EFCAB13: variants seen among roughly 807,000 people sequenced by gnomAD.
EFCAB13 encodes the protein EF-hand calcium binding domain 13, also known as EF-hand calcium-binding domain-containing protein 13.
Under a neutral mutation model 110.2 loss-of-function variants are expected in EFCAB13, and 91 were observed. The ratio of observed to expected loss-of-function variants is 0.83; its 90% CI spans 0.70 to 0.98. The LOEUF (loss-of-function observed/expected upper bound fraction) is 0.98. Ranked by LOEUF, EFCAB13 falls within the 50% of genes least tolerant of loss-of-function variation. The probability of loss-of-function intolerance (pLI) is 0.00; values close to 1 mark genes in which losing one functional copy is unlikely to be tolerated. For synonymous variants in EFCAB13, 323 were observed against 369.9 expected (o/e 0.87, Z 1.45); for missense variants, 968 against 1,119.4 (o/e 0.86, Z 1.93).
intron 4 of EFCAB13, among the ~76,000 whole-genome samples, chr17:47,329,485 A>T (rs2065307193): frequency 6.6e-6 from 1 of 152,190 alleles, no homozygotes; most frequent in Non-Finnish European, 1.5e-5. Context: ...TGAGATATGT[A>T]CTTTATATCA....
intron 5 of EFCAB13, among the ~76,000 whole-genome samples, chr17:47,337,717 G>A (rs2065359436): frequency 6.6e-6 from 1 of 152,094 alleles, no homozygotes; most frequent in Non-Finnish European, 1.5e-5. Context: ...ACAAAGGAGA[G>A]GTTCAATATT....
At chr17:47,360,886 GT>G (rs937816398) in intron 9 of EFCAB13, among the ~76,000 whole-genome samples, 2 of 151,714 alleles carry the variant, frequency 1.3e-5, no homozygotes, top group African/African-American at 2.4e-5. Context: ...TTTTAAGGAA[GT>G]TTTTTTTGTG....
chr17:47,356,225 G>A (rs2065479768), intron 9 of EFCAB13, among the ~76,000 whole-genome samples: 1 of 151,822 alleles, frequency 6.6e-6, no homozygotes, highest in Admixed American at 6.6e-5. Flanking sequence ...ATCCATTGCT[G>A]CTAAGCTTTT....
At chr17:47,396,683 C>G (rs2065740131) in intron 17 of EFCAB13, among the ~76,000 whole-genome samples, 2 of 152,106 alleles carry the variant, frequency 1.3e-5, no homozygotes, top group Non-Finnish European at 2.9e-5. Context: ...TGTCAGGGGT[C>G]TTTGTCAAAG....
intron 24 of EFCAB13, among the ~76,000 whole-genome samples, chr17:47,438,505 T>TA (rs147608043): frequency 6.6e-6 from 1 of 151,662 alleles, no homozygotes; most frequent in Non-Finnish European, 1.5e-5. Context: ...ATTCTTTTTT[T>TA]TTTTTTTGTC....
chr17:47,398,853 A>G (rs926363630), intron 17 of EFCAB13, among the ~76,000 whole-genome samples: 1 of 134,700 alleles, frequency 7.4e-6, no homozygotes, highest in Non-Finnish European at 1.6e-5. Flanking sequence ...ATCAATAAAA[A>G]TAAATAAATA....
At chr17:47,390,948 C>CTATCT (rs762499981) in intron 14 of EFCAB13, among the ~76,000 whole-genome samples, 1 of 150,400 alleles carries the variant, frequency 6.6e-6, no homozygotes, top group African/African-American at 2.5e-5. Flanking sequence ...ATCTATCTAT[C>CTATCT]ATATATTTTT....
intron 11 of EFCAB13, among the ~76,000 whole-genome samples, chr17:47,370,715 G>GTT (rs370452906): frequency 6.8e-6 from 1 of 147,628 alleles, no homozygotes; most frequent in African/African-American, 2.5e-5. Context: ...TCTTTGCCCA[G>GTT]TTTTTTGTTG....
intron 22 of EFCAB13, among the ~76,000 whole-genome samples, chr17:47,413,442 A>AC (rs1904322672): frequency 6.6e-6 from 1 of 152,182 alleles, no homozygotes; most frequent in Admixed American, 6.5e-5. Flanking sequence ...TTAGGAAGTC[A>AC]AATCATTTGA....
At chr17:47,433,980 ATTGT>A (rs1905165448) in intron 24 of EFCAB13, among the ~76,000 whole-genome samples, 1 of 150,774 alleles carries the variant, frequency 6.6e-6, no homozygotes, top group African/African-American at 2.4e-5. Flanking sequence ...TATTGTGATT[ATTGT>A]TTATTTGTGT....
chr17:47,434,156 C>A (rs1350832596), intron 24 of EFCAB13, among the ~76,000 whole-genome samples: 1 of 151,890 alleles, frequency 6.6e-6, no homozygotes, highest in Non-Finnish European at 1.5e-5. Context: ...ACCCAGAAAA[C>A]CCTCAAGATT....
intron 3 of EFCAB13, among the ~76,000 whole-genome samples, chr17:47,327,612 G>A (rs970334930): frequency 3.9e-5 from 6 of 152,056 alleles, no homozygotes; most frequent in African/African-American, 9.7e-5. Flanking sequence ...ATGCCACCAC[G>A]TCCAACTAAT....
intron 14 of EFCAB13, among the ~76,000 whole-genome samples, chr17:47,386,292 A>G (rs1470997495): frequency 6.6e-6 from 1 of 152,080 alleles, no homozygotes; most frequent in Non-Finnish European, 1.5e-5. Flanking sequence ...TGGGAGTTTT[A>G]TCTATAACCC....
At chr17:47,425,851 G>A (rs1173351115) in intron 23 of EFCAB13, among the ~76,000 whole-genome samples, 3 of 152,166 alleles carry the variant, frequency 2.0e-5, no homozygotes, top group Admixed American at 6.5e-5. Flanking sequence ...AAGTTGCTGC[G>A]CAGAACTATC....
chr17:47,343,955 G>A (rs2065400298), intron 6 of EFCAB13, among the ~76,000 whole-genome samples: 1 of 152,022 alleles, frequency 6.6e-6, no homozygotes, highest in South Asian at 2.1e-4. Flanking sequence ...AGAAAACCAT[G>A]GCTTTGCAAG....
intron 14 of EFCAB13, among the ~76,000 whole-genome samples, chr17:47,379,830 TTC>T (rs1460926849): frequency 3.3e-5 from 5 of 152,180 alleles, no homozygotes; most frequent in African/African-American, 1.2e-4. Context: ...TTTTATTTTG[TTC>T]TGTTTATACA....
At chr17:47,340,253 A>T (rs1404525886) in intron 5 of EFCAB13, among the ~76,000 whole-genome samples, 1 of 151,398 alleles carries the variant, frequency 6.6e-6, no homozygotes, top group East Asian at 1.9e-4. Context: ...AGTCAGTTGA[A>T]TCTGTCTATA....
intron 4 of EFCAB13, among the ~76,000 whole-genome samples, chr17:47,333,687 A>G (rs1459634391): frequency 1.3e-5 from 2 of 152,176 alleles, no homozygotes; most frequent in Admixed American, 1.3e-4. Flanking sequence ...TATTGAAGAG[A>G]CTGTTCTTTC....
chr17:47,336,334 C>T (rs906244006), intron 5 of EFCAB13, among the ~76,000 whole-genome samples: 6 of 150,864 alleles, frequency 4.0e-5, no homozygotes, highest in African/African-American at 1.2e-4. Flanking sequence ...CTGTGTTGCC[C>T]AGGCTGGAGT....
Sources: gnomAD v4.1 joint callset for allele counts (sites outside exome capture counted in the v4.1 genomes callset) on GRCh38, gnomAD v4.1.1 for gene constraint, MANE v1.5 for transcripts, NCBI Gene and HGNC (gene_info 2026-07-23, HGNC 2026-07-21) for gene names.